Variants in SUN3 observed in about 807,000 individuals in gnomAD.
The protein encoded by SUN3 is Sad1 and UNC84 domain containing 3.
In SUN3, 36 loss-of-function variants were observed where a neutral mutation model predicts 48.2. The observed-to-expected ratio is 0.75, with a 90% CI of 0.57 to 0.99. The LOEUF (loss-of-function observed/expected upper bound fraction) is 0.99. Ranked by LOEUF, SUN3 falls within the 50% of genes least tolerant of loss-of-function variation. SUN3 has a pLI of 0.00. For missense variants in SUN3, 419 were observed against 433.1 expected (o/e 0.97, Z 0.29); for synonymous variants, 148 against 147.9 (o/e 1.00, Z 0.00).
rs763913442 is a variant in SUN3 at position 47,994,449 on chromosome 7, G to C, written c.727C>G (p.Pro243Ala). 3.7e-6 allele frequency: 6 copies of C among 1,608,960 alleles called. No individual in the cohort carries two copies. Among genetic ancestry groups the C allele is most frequent in the East Asian group, 2.2e-5 (1 of 44,664 alleles). Residue 243 changes from proline to alanine, a missense_variant, in exon 8 of 10, where the codon CCA (proline) becomes GCA (alanine). Physicochemically the swap from Pro to Ala is conservative, Grantham distance 27. Coordinates refer to ENST00000297325, the MANE Select transcript of SUN3 (RefSeq NM_001030019.2). ...DVYPGKCWAF[P>A]GSQGHTLIKL... ...ATTAGGGTATGACCCTGGGAACCTG[G>C]AAAAGCCCAGCACTTTCCAGGGTAG...
chr7:48,012,448 C>G (rs975130474), intron 3 of SUN3, among the ~76,000 whole-genome samples: 1 of 150,710 alleles, frequency 6.6e-6, no homozygotes, highest in African/African-American at 2.4e-5. Flanking sequence ...TGCCTTGGAA[C>G]ATGGCTCTAG....
chr7:48,007,789 A>G (rs955743800), intron 4 of SUN3, among the ~76,000 whole-genome samples: 2 of 150,594 alleles, frequency 1.3e-5, no homozygotes, highest in Admixed American at 1.3e-4. Flanking sequence ...TACCAGTTTG[A>G]CAGCCTGAGC....
chr7:47,994,444 A>G lies in SUN3; in HGVS notation c.732T>C (p.Gly244=). ...VYPGKCWAFP[G]SQGHTLIKLA... is the part of the protein sequence containing the mutation. Reference sequence around the variant, plus strand: ...GCTTGATTAGGGTATGACCCTGGGAACCTGGAAAAGCCCAGCACTTTCCAG... The same window carrying G: ...GCTTGATTAGGGTATGACCCTGGGAGCCTGGAAAAGCCCAGCACTTTCCAG... The change falls in exon 8 of 10, where the codon GGT becomes GGC. Residue 244 remains glycine, a synonymous_variant. Coordinates refer to ENST00000297325, the MANE Select transcript of SUN3 (RefSeq NM_001030019.2). 2 of 1,610,336 alleles carry G rather than the reference A, an allele frequency of 1.2e-6. No individual in the cohort carries two copies. Among genetic ancestry groups the G allele is most frequent in the African/African-American group, 2.7e-5 (2 of 74,798 alleles).
At chr7:48,035,388 G>A in the SUN3 span, 1 of 616,446 alleles carries the variant, frequency 1.6e-6, no homozygotes, top group South Asian at 1.8e-5. This position sits in a 1 kb window ranked among gnomAD's most constrained non-coding sequence, Gnocchi z 4.0. Flanking sequence ...GTTGACAGGC[G>A]GCGCCCGCGC....
At chr7:48,003,667 C>T (rs1789449615) in intron 6 of SUN3, among the ~76,000 whole-genome samples, 1 of 152,124 alleles carries the variant, frequency 6.6e-6, no homozygotes, top group Non-Finnish European at 1.5e-5. Context: ...CTTTTTGTGG[C>T]AATTGTGAAT....
chr7:48,019,976 T>TCAAAAAAAAAAAAAAAAAAAAA (rs1789941593), intron 2 of SUN3, among the ~76,000 whole-genome samples: 1 of 20,112 alleles, frequency 5.0e-5, no homozygotes, highest in Non-Finnish European at 9.7e-5. Flanking sequence ...CAAAGACACA[T>TCAAAAAAAAAAAAAAAAAAAAA]CAAAAAAAAA....
chr7:47,988,082 A>G (rs1788950695), intron 9 of SUN3, among the ~76,000 whole-genome samples: 1 of 152,212 alleles, frequency 6.6e-6, no homozygotes, highest in Non-Finnish European at 1.5e-5. Flanking sequence ...AGAACAGATA[A>G]TATGAGCCCA....
chr7:47,999,257 G>A (rs1264910525), intron 6 of SUN3, among the ~76,000 whole-genome samples: 2 of 151,974 alleles, frequency 1.3e-5, no homozygotes, highest in East Asian at 3.9e-4. Context: ...CTGCATTTAT[G>A]AATAGAGCTG....
At chr7:48,001,661 G>C (rs1439319471) in intron 6 of SUN3, among the ~76,000 whole-genome samples, 1 of 151,376 alleles carries the variant, frequency 6.6e-6, no homozygotes, top group Non-Finnish European at 1.5e-5. Flanking sequence ...AGCCTCCTGA[G>C]TAGCTGGGAC....
intron 8 of SUN3, among the ~76,000 whole-genome samples, chr7:47,993,268 T>TAGATA (rs1392764137): frequency 6.6e-6 from 1 of 152,206 alleles, no homozygotes; most frequent in Non-Finnish European, 1.5e-5. Context: ...ATGTTAAACC[T>TAGATA]ACATTTACCA....
At chr7:47,990,464 T>C (rs6969988) in intron 8 of SUN3, among the ~76,000 whole-genome samples, 29,753 of 151,620 alleles carry the variant, frequency 0.2, 4,014 homozygotes, top group African/African-American at 0.38. Context: ...GATCAATAAA[T>C]ACTAAGGGAA....
upstream of SUN3, among the ~76,000 whole-genome samples, chr7:48,032,649 G>GA (rs1790269526): frequency 6.6e-6 from 1 of 152,114 alleles, no homozygotes; most frequent in Non-Finnish European, 1.5e-5. Flanking sequence ...CAGATTATCA[G>GA]AAAAAAGCAC....
At chr7:47,991,525 T>C (rs1206137083) in intron 8 of SUN3, among the ~76,000 whole-genome samples, 1 of 62,118 alleles carries the variant, frequency 1.6e-5, no homozygotes, top group Non-Finnish European at 3.7e-5. Context: ...AGGGCCCTCC[T>C]CCAGATGGGA....
chr7:47,987,417 T>C lies in SUN3; in HGVS notation c.987A>G (p.Lys329=), dbSNP rs558011601. The change falls in exon 10 of 10, where the codon AAA becomes AAG. Residue 329 remains lysine (K), a synonymous_variant. Transcript: ENST00000297325. ...GTCCCCAGTTGCTAAAGATATTAAG[T>C]TTCACACATAATAAATATTCAGAAA... ...HAVSEYLLCV[K]LNIFSNWGHP... is the part of the protein sequence containing the mutation. 1 of 1,590,752 alleles carries C rather than the reference T, an allele frequency of 6.3e-7. No homozygotes were observed. Among genetic ancestry groups the C allele is most frequent in the East Asian group, 2.3e-5 (1 of 44,188 alleles).
At chr7:48,012,935 C>T (rs1046119720) in intron 3 of SUN3, among the ~76,000 whole-genome samples, 1 of 152,190 alleles carries the variant, frequency 6.6e-6, no homozygotes, top group Non-Finnish European at 1.5e-5. Context: ...CACAAGAAAG[C>T]TCTCATTAAA....
chr7:48,027,301 T>G lies in SUN3; in HGVS notation c.123-1363A>C, dbSNP rs367738316. Among the ~76,000 whole-genome samples the G allele has an allele frequency of 1.3e-4, 20 of 152,298 alleles. No individual in the cohort carries two copies. In the South Asian group the frequency reaches 4.1e-3, roughly 32 times the overall value. ...CAGTTATAAATATTACTACAAGCAA[T>G]GCAGCTATGAACATTCTTGTACATG... is the stretch of plus-strand genomic sequence containing the variant. On this transcript the variant is annotated intron_variant, in intron 1 of 9. Transcript: ENST00000297325.
chr7:48,025,257 A>C (rs1448876929), intron 2 of SUN3, among the ~76,000 whole-genome samples: 1 of 152,230 alleles, frequency 6.6e-6, no homozygotes, highest in Non-Finnish European at 1.5e-5. Context: ...ACATGATAGG[A>C]TATGGATGAA....
At chr7:47,988,610 T>C (rs893853640) in intron 9 of SUN3, among the ~76,000 whole-genome samples, 178 bp downstream of exon 9, 7 of 152,266 alleles carry the variant, frequency 4.6e-5, no homozygotes, top group Non-Finnish European at 8.8e-5. Flanking sequence ...TGCATTTGTC[T>C]GTCTTTTGCA....
At chr7:47,996,229 A>G in intron 6 of SUN3, 83 bp from the exon 7 acceptor site, 1 of 782,674 alleles carries the variant, frequency 1.3e-6, no homozygotes, top group East Asian at 2.9e-5. Context: ...CAATGTCTCT[A>G]GAAAATTATT....
Sources: allele counts gnomAD v4.1 joint callset (sites outside exome capture counted in the v4.1 genomes callset), GRCh38; gene constraint gnomAD v4.1.1; non-coding constraint Gnocchi (gnomAD v3.1); transcripts MANE v1.5; gene names NCBI Gene and HGNC (gene_info 2026-07-23, HGNC 2026-07-21).